BABAM2: variants seen among roughly 807,000 people sequenced by gnomAD.
BABAM2 encodes the protein BRISC and BRCA1 A complex member 2.
A neutral mutation model predicts 54.7 loss-of-function variants in BABAM2; 31 were observed. The observed-to-expected ratio is 0.57, with a 90% CI of 0.43 to 0.77. BABAM2 has a LOEUF of 0.77. BABAM2 is among the 30% of genes least tolerant of loss of function. The pLI is 0.00. For synonymous variants in BABAM2, 167 were observed against 162.9 expected (o/e 1.03, Z -0.19); for missense variants, 364 against 455.8 (o/e 0.80, Z 1.83).
At chr2:28,014,903 T>G (rs72854459) in intron 4 of BABAM2, among the ~76,000 whole-genome samples, 373 of 152,330 alleles carry the variant, frequency 2.4e-3, no homozygotes, top group African/African-American at 8.6e-3. Flanking sequence ...AGCTATCAAG[T>G]TCAGAAAGTA....
intron 6 of BABAM2, among the ~76,000 whole-genome samples, chr2:28,124,615 G>C (rs1232462999): frequency 6.6e-6 from 1 of 152,100 alleles, no homozygotes; most frequent in East Asian, 1.9e-4. Context: ...TAAAAATTAG[G>C]GAGGAACATT....
At chr2:28,173,667 T>TA (rs1391378123) in intron 7 of BABAM2, among the ~76,000 whole-genome samples, 1 of 152,246 alleles carries the variant, frequency 6.6e-6, no homozygotes, top group Non-Finnish European at 1.5e-5. Context: ...ACAGCATCCC[T>TA]AATCTTTCCT....
At chr2:27,901,357 A>G (rs1200974538) in intron 2 of BABAM2, among the ~76,000 whole-genome samples, 1 of 152,178 alleles carries the variant, frequency 6.6e-6, no homozygotes, top group Non-Finnish European at 1.5e-5. Context: ...GCTCACTGCA[A>G]CCTGTGGCAG....
intron 11 of BABAM2, among the ~76,000 whole-genome samples, chr2:28,301,478 T>C (rs181159325): frequency 1.3e-5 from 2 of 152,328 alleles, no homozygotes; most frequent in Admixed American, 1.3e-4. Context: ...TGGGCAGAGC[T>C]CTTAACCTCT....
intron 3 of BABAM2, among the ~76,000 whole-genome samples, chr2:27,954,471 G>GT: frequency 6.6e-6 from 1 of 152,272 alleles, no homozygotes; most frequent in Admixed American, 6.5e-5. Context: ...CTTTATAAAG[G>GT]TGAAATACTA....
rs147371113 is a variant in BABAM2 at position 28,081,172 on chromosome 2, A to C, written c.570+35373A>C. On this transcript the variant is annotated intron_variant, in intron 6 of 11. Transcript: ENST00000379624. ...TGCAGCCAGCCACATAGATTCGCAG[A>C]CTGGCAGGCTGGTCACAGAGCGCCT... Among the ~76,000 whole-genome samples the C allele has an allele frequency of 2.6e-3, 401 of 152,324 alleles. 4 individuals carry two copies. Among genetic ancestry groups the C allele is most frequent in the African/African-American group, 9.3e-3 (388 of 41,580 alleles).
At chr2:28,254,027 T>C (rs1683735152) in intron 10 of BABAM2, among the ~76,000 whole-genome samples, 1 of 152,194 alleles carries the variant, frequency 6.6e-6, no homozygotes, top group African/African-American at 2.4e-5. Flanking sequence ...TGTTTAGACA[T>C]AGTGAATGTG....
At chr2:28,033,501 G>A (rs970343830) in intron 5 of BABAM2, among the ~76,000 whole-genome samples, 1 of 152,110 alleles carries the variant, frequency 6.6e-6, no homozygotes, top group African/African-American at 2.4e-5. Context: ...ATGGCGAGAG[G>A]GCTAAGCATG....
At chr2:28,202,028 C>T (rs1309706365) in intron 7 of BABAM2, among the ~76,000 whole-genome samples, 1 of 152,126 alleles carries the variant, frequency 6.6e-6, no homozygotes, top group Non-Finnish European at 1.5e-5. Context: ...TCAGGAGCAT[C>T]CTTTGCCAGA....
chr2:28,181,223 C>T (rs1036190129), intron 7 of BABAM2, among the ~76,000 whole-genome samples: 2 of 152,160 alleles, frequency 1.3e-5, no homozygotes, highest in Non-Finnish European at 2.9e-5. Context: ...GATATAGAAT[C>T]AACCTAAGTG....
At chr2:28,049,593 C>T (rs749062458) in intron 6 of BABAM2, among the ~76,000 whole-genome samples, 8 of 152,084 alleles carry the variant, frequency 5.3e-5, no homozygotes, top group South Asian at 2.1e-4. Context: ...GACACTACAG[C>T]GAAATTAATT....
intron 2 of BABAM2, 129 bp from the exon 3 acceptor site, chr2:27,929,703 G>T (rs1000659320): frequency 2.6e-6 from 2 of 755,478 alleles, no homozygotes; most frequent in Non-Finnish European, 2.1e-6. Flanking sequence ...CTTTTATTTT[G>T]TTCTGTAAGC....
intron 5 of BABAM2, among the ~76,000 whole-genome samples, chr2:28,030,590 G>T (rs187671239): frequency 6.6e-6 from 1 of 152,284 alleles, no homozygotes; most frequent in East Asian, 1.9e-4. Context: ...GAGGGTTCAG[G>T]AATATTAAAG....
At chr2:28,195,639 C>G (rs1220127847) in intron 7 of BABAM2, among the ~76,000 whole-genome samples, 1 of 152,134 alleles carries the variant, frequency 6.6e-6, no homozygotes, top group Non-Finnish European at 1.5e-5. Flanking sequence ...ATATCAGTGT[C>G]TATTTTTATC....
At chr2:28,231,255 T>C (rs962867222) in intron 7 of BABAM2, among the ~76,000 whole-genome samples, 1 of 152,134 alleles carries the variant, frequency 6.6e-6, no homozygotes, top group Non-Finnish European at 1.5e-5. Context: ...TGTTTCATGG[T>C]AATGGCTCTG....
At chr2:28,269,682 G>A (rs957944885) in intron 10 of BABAM2, among the ~76,000 whole-genome samples, 21 of 152,152 alleles carry the variant, frequency 1.4e-4, no homozygotes, top group African/African-American at 4.6e-4. Flanking sequence ...ATTTTGATGA[G>A]GATTTTGTTT....
intron 4 of BABAM2, among the ~76,000 whole-genome samples, chr2:27,998,798 G>A (rs1289671797): frequency 6.6e-6 from 1 of 152,150 alleles, no homozygotes; most frequent in African/African-American, 2.4e-5. Flanking sequence ...TAAGACTACT[G>A]TCTGTGAACA....
At chr2:27,950,729 C>A (rs1669648213) in intron 3 of BABAM2, among the ~76,000 whole-genome samples, 1 of 151,720 alleles carries the variant, frequency 6.6e-6, no homozygotes. Context: ...CATATTATTT[C>A]TTCCTTAAAT....
chr2:27,915,342 G>T (rs926777799), intron 2 of BABAM2, among the ~76,000 whole-genome samples: 3 of 152,168 alleles, frequency 2.0e-5, no homozygotes, highest in Non-Finnish European at 2.9e-5. Context: ...TGCTCTCTGT[G>T]TGCCAGGAAC....
Sources: gnomAD v4.1 joint callset for allele counts (sites outside exome capture counted in the v4.1 genomes callset) on GRCh38, gnomAD v4.1.1 for gene constraint, MANE v1.5 for transcripts, NCBI Gene and HGNC (gene_info 2026-07-23, HGNC 2026-07-21) for gene names.